The following EDIL3 variants were observed in gnomAD, a reference collection of about 807,000 sequenced individuals.
EDIL3 encodes the protein EGF-like repeat and discoidin I-like domain-containing protein 3.
A neutral mutation model predicts 67.4 loss-of-function variants in EDIL3; 37 were observed. That is an observed-to-expected ratio of 0.55 (90% CI 0.42 to 0.72). The LOEUF is 0.72. EDIL3 is among the 30% of genes least tolerant of loss of function. EDIL3 has a pLI of 0.00. For missense variants in EDIL3, 527 were observed against 586.3 expected (o/e 0.90, Z 1.04); for synonymous variants, 195 against 196.3 (o/e 0.99, Z 0.05).
intron 4 of EDIL3, among the ~76,000 whole-genome samples, chr5:84,141,125 C>A (rs1184031595): frequency 1.3e-5 from 2 of 151,904 alleles, no homozygotes; most frequent in Admixed American, 6.6e-5. Flanking sequence ...AAGTCCACAT[C>A]CATTCCAAAT....
chr5:84,043,421 ATTGT>A (rs1746166670), intron 9 of EDIL3, among the ~76,000 whole-genome samples: 1 of 152,210 alleles, frequency 6.6e-6, no homozygotes, highest in Non-Finnish European at 1.5e-5. Flanking sequence ...AATTGATGAA[ATTGT>A]TTGTTATATG....
chr5:84,060,588 C>T, intron 8 of EDIL3, 104 bp from the exon 9 acceptor site: 1 of 1,225,050 alleles, frequency 8.2e-7, no homozygotes, highest in East Asian at 2.6e-5. Flanking sequence ...TAATGCTATT[C>T]ATTCCTCCAA....
chr5:84,085,597 G>A (rs1364386860), intron 6 of EDIL3, among the ~76,000 whole-genome samples: 1 of 152,136 alleles, frequency 6.6e-6, no homozygotes, highest in Non-Finnish European at 1.5e-5. Flanking sequence ...GAGCTCTCCT[G>A]TATGATGTGT....
chr5:84,238,122 C>T (rs948292078), intron 2 of EDIL3, among the ~76,000 whole-genome samples: 13 of 152,116 alleles, frequency 8.5e-5, no homozygotes, highest in African/African-American at 3.1e-4. Flanking sequence ...TAGAAAATTA[C>T]TTCATGGTAG....
At chr5:84,105,397 A>T (rs1747440783) in intron 6 of EDIL3, among the ~76,000 whole-genome samples, 1 of 152,104 alleles carries the variant, frequency 6.6e-6, no homozygotes, top group South Asian at 2.1e-4. Context: ...ATGCCTAAGA[A>T]ATCTGAACAA....
In EDIL3 at chr5:84,146,932, A is replaced by T. The variant is rs139194438; in HGVS notation, c.356-9578T>A. On this transcript the variant is annotated intron_variant, in intron 4 of 10. Coordinates refer to ENST00000296591, the MANE Select transcript of EDIL3 (RefSeq NM_005711.5). The stretch of plus-strand genomic sequence containing the variant: ...AAACAGTAAAGTTACAAGAATTATT[A>T]TAAAGAGACAACCCATATAACAACC... Among the ~76,000 whole-genome samples, 1,502 of 152,258 alleles carry T rather than the reference A, an allele frequency of 9.9e-3. 30 individuals carry two copies. Among genetic ancestry groups the T allele is most frequent in the African/African-American group, 0.034 (1,412 of 41,568 alleles).
chr5:84,090,687 C>A (rs1322118333), intron 6 of EDIL3, among the ~76,000 whole-genome samples: 1 of 152,036 alleles, frequency 6.6e-6, no homozygotes, highest in Non-Finnish European at 1.5e-5. Context: ...GTGGCTCATG[C>A]CTGTTATCCC....
intron 1 of EDIL3, among the ~76,000 whole-genome samples, chr5:84,338,503 C>T (rs1747033583): frequency 1.3e-5 from 2 of 152,128 alleles, no homozygotes; most frequent in South Asian, 4.1e-4. Context: ...CTCTTCCTTC[C>T]TTTTGCTATC....
Position 84,279,469 on chromosome 5 carries a change from C to T in EDIL3, c.68-25257G>A, listed in dbSNP as rs549332585. Among the ~76,000 whole-genome samples the T allele has an allele frequency of 3.1e-4, 47 of 152,288 alleles. No homozygotes were observed. The Middle Eastern group carries it at 0.01, about 33-fold the overall frequency. ...CAATAGTACTTACCAAGATTGTAAT[C>T]ACTGTATTTGCTAAACCCAAAATAG... is the stretch of plus-strand genomic sequence containing the variant. On this transcript the variant is annotated intron_variant, in intron 1 of 10. Coordinates refer to ENST00000296591, the MANE Select transcript of EDIL3 (RefSeq NM_005711.5).
chr5:84,148,590 G>T (rs1421415960), intron 4 of EDIL3, among the ~76,000 whole-genome samples: 1 of 151,990 alleles, frequency 6.6e-6, no homozygotes, highest in Non-Finnish European at 1.5e-5. Context: ...AAATTCTTAG[G>T]AGTTTCAGTC....
intron 4 of EDIL3, among the ~76,000 whole-genome samples, chr5:84,162,615 C>T (rs570534943): frequency 6.6e-6 from 1 of 152,182 alleles, no homozygotes; most frequent in South Asian, 2.1e-4. Context: ...GGCCTTTATG[C>T]TCTGTGCCCT....
intron 9 of EDIL3, among the ~76,000 whole-genome samples, chr5:84,053,737 A>T (rs1271563423): frequency 6.6e-6 from 1 of 152,136 alleles, no homozygotes; most frequent in Non-Finnish European, 1.5e-5. Flanking sequence ...CAACACATAC[A>T]CTCTCCCAAG....
chr5:84,234,750 C>G (rs1744647178), intron 2 of EDIL3, among the ~76,000 whole-genome samples: 1 of 152,008 alleles, frequency 6.6e-6, no homozygotes, highest in Admixed American at 6.6e-5. Context: ...ACTTATTGAT[C>G]CTTTTGTTGG....
At chr5:84,366,928 AC>A (rs1747750555) in intron 1 of EDIL3, among the ~76,000 whole-genome samples, 1 of 152,220 alleles carries the variant, frequency 6.6e-6, no homozygotes, top group East Asian at 1.9e-4. Context: ...AAATGTCCCA[AC>A]AAAAATATTA....
At chr5:84,098,586 A>T (rs1580326033) in intron 6 of EDIL3, among the ~76,000 whole-genome samples, 2 of 152,152 alleles carry the variant, frequency 1.3e-5, no homozygotes, top group African/African-American at 4.8e-5. Context: ...TAATTACTGA[A>T]TAACAATGTT....
At chr5:84,292,644 T>A (rs1401278741) in intron 1 of EDIL3, among the ~76,000 whole-genome samples, 1 of 152,214 alleles carries the variant, frequency 6.6e-6, no homozygotes, top group African/African-American at 2.4e-5. Context: ...GAATATATCC[T>A]ACCATTAAAA....
At chr5:84,202,014 C>T (rs1250962585) in intron 3 of EDIL3, among the ~76,000 whole-genome samples, 3 of 152,140 alleles carry the variant, frequency 2.0e-5, no homozygotes, top group Admixed American at 1.3e-4. Flanking sequence ...GCAAGAAAAA[C>T]AGTGTGCTAG....
chr5:84,043,339 T>C (rs997919696), intron 9 of EDIL3, among the ~76,000 whole-genome samples: 16 of 152,242 alleles, frequency 1.1e-4, no homozygotes, highest in African/African-American at 3.4e-4. Flanking sequence ...ATTCTGAAGA[T>C]GAAATTGATA....
chr5:84,140,993 A>G (rs912973624), intron 4 of EDIL3, among the ~76,000 whole-genome samples: 1 of 152,118 alleles, frequency 6.6e-6, no homozygotes, highest in African/African-American at 2.4e-5. Context: ...ATCATGTTTA[A>G]TTAAAGACTA....
Sources: gnomAD v4.1 joint callset for allele counts (sites outside exome capture counted in the v4.1 genomes callset) on GRCh38, gnomAD v4.1.1 for gene constraint, MANE v1.5 for transcripts, NCBI Gene and HGNC (gene_info 2026-07-23, HGNC 2026-07-21) for gene names.